Variants in APOL1 observed in about 807,000 individuals in gnomAD.
APOL1 encodes the protein apolipoprotein L1, also known as apolipoprotein L 1.
Under a neutral mutation model 14.9 loss-of-function variants are expected in APOL1, and 17 were observed. That is an observed-to-expected ratio of 1.14 (90% CI 0.78 to 1.71). APOL1 has a LOEUF of 1.71. Among genes scored for constraint, APOL1 ranks in the 40% most tolerant of loss-of-function variants. The pLI is 0.00. For missense variants in APOL1, 523 were observed against 485.9 expected, an observed-to-expected ratio of 1.08 and a Z score of -0.72; for synonymous variants, 195 against 184.8, an observed-to-expected ratio of 1.05 and a Z score of -0.45.
chr22:36,265,176 G>A lies in APOL1; in HGVS notation c.340G>A (p.Ala114Thr), dbSNP rs202184759. Reference sequence around the variant, plus strand: ...GAATGAGGCAGATGAGCTCCGTAAAGCTCTGGACAACCTTGCAAGACAAAT... The same window carrying A: ...GAATGAGGCAGATGAGCTCCGTAAAACTCTGGACAACCTTGCAAGACAAAT... ...PRNEADELRK[A>T]LDNLARQMIM... Residue 114 changes from alanine (A) to threonine (T), a missense_variant, in exon 6 of 6, where the codon GCT (alanine) becomes ACT (threonine). Transcript: ENST00000397278. 2.5e-6 allele frequency: 4 copies of A among 1,614,158 alleles called. No homozygotes were observed. Among genetic ancestry groups the A allele is most frequent in the Non-Finnish European group, 2.5e-6 (3 of 1,180,044 alleles).
chr22:36,256,973 A>G (rs1196437805), intron 2 of APOL1, 110 bp from the exon 3 acceptor site: 28 of 1,208,302 alleles, frequency 2.3e-5, no homozygotes, highest in African/African-American at 4.5e-5. Flanking sequence ...GGCCCTGGTC[A>G]TTGTCAGAAC....
rs151049347 is a variant in APOL1 at position 36,256,913 on chromosome 22, A to G, written c.45-170A>G. On this transcript the variant is annotated intron_variant, in intron 2 of 5. Transcript: ENST00000397278. ...ATGTAAGAGGCTCTGCACATCGCAG[A>G]CATGCAATACACACTGGCTATCACC... Among the ~76,000 whole-genome samples the G allele has an allele frequency of 9.8e-5, 15 of 152,330 alleles. No individual in the cohort carries two copies. The East Asian group carries it at 2.9e-3, about 29-fold the overall frequency.
chr22:36,257,109 G>A lies in APOL1; in HGVS notation c.71G>A (p.Gly24Glu). 1 of 1,614,188 alleles carries A rather than the reference G, an allele frequency of 6.2e-7. No individual in the cohort carries two copies. The highest frequency in any genetic ancestry group is 1.6e-4 in the Middle Eastern group (1 of 6,062). ...ATGAGTGCACTTTTCCTTGGTGTGG[G>A]AGTGAGGGCAGAGGAAGCTGGAGCG... ...IWMSALFLGV[G>E]VRAEEAGARV... is the part of the protein sequence containing the mutation. Residue 24 changes from glycine (G) to glutamate (E), a missense_variant, in exon 3 of 6, where the codon GGA becomes GAA. Transcript: ENST00000397278.
At position 36,266,816 on chromosome 22, in the gene APOL1, A is replaced by G. The variant is rs376694760; in HGVS notation, c.*783A>G. 1.0e-4 allele frequency: 30 copies of G among 292,330 alleles called. No individual in the cohort carries two copies. The highest frequency in any genetic ancestry group is 6.3e-4 in the African/African-American group (29 of 45,920). The allele number at this position is 292,330 out of a possible 1,614,324, so 18.1% of individuals were successfully genotyped here. On this transcript the variant is annotated 3_prime_UTR_variant, in exon 6 of 6. Transcript: ENST00000397278. Reference sequence around the variant, plus strand: ...GCTAACTGGGCGGCTGAGGCAGGAGAATGGCGTGAACCTGGGAGGTGGAGC... The same window carrying G: ...GCTAACTGGGCGGCTGAGGCAGGAGGATGGCGTGAACCTGGGAGGTGGAGC...
chr22:36,254,004 A>G, intron 1 of APOL1: 1 of 1,613,978 alleles, frequency 6.2e-7, no homozygotes, highest in African/African-American at 1.3e-5. Flanking sequence ...GAGTATAACT[A>G]CAGGAGTGAG....
At chr22:36,261,472 C>A in intron 4 of APOL1, 124 bp from the exon 5 acceptor site, 2 of 1,070,478 alleles carry the variant, frequency 1.9e-6, no homozygotes, top group Non-Finnish European at 2.7e-6. Flanking sequence ...GCACTAATGA[C>A]TCCATAAAAC....
chr22:36,256,959 C>T (rs773131538), intron 2 of APOL1, 124 bp from the exon 3 acceptor site: 6 of 1,016,756 alleles, frequency 5.9e-6, no homozygotes, highest in African/African-American at 1.6e-5. Context: ...CACACATGCT[C>T]CCAGGCCCTG....
chr22:36,260,927 G>T (rs537276645), intron 4 of APOL1, among the ~76,000 whole-genome samples: 2 of 152,300 alleles, frequency 1.3e-5, no homozygotes, highest in East Asian at 3.9e-4. Flanking sequence ...ATGATGTGTT[G>T]ATATTCACAT....
At chr22:36,255,425 A>G (rs1436492042) in intron 2 of APOL1, among the ~76,000 whole-genome samples, 1 of 152,268 alleles carries the variant, frequency 6.6e-6, no homozygotes, top group African/African-American at 2.4e-5. Flanking sequence ...TGAACAAAGC[A>G]GGAAGAAGGC....
rs550074929 is a variant in APOL1 at position 36,259,789 on chromosome 22, G to A, written c.188-1807G>A. The A allele has an allele frequency of 1.5e-5, 20 of 1,304,154 alleles. 1 individual carries two copies. The highest frequency in any genetic ancestry group is 5.5e-5 in the East Asian group (1 of 18,026). The allele number at this position is 1,304,154 out of a possible 1,614,324, so 80.8% of individuals were successfully genotyped here. On this transcript the variant is annotated intron_variant, in intron 4 of 5. Transcript: ENST00000397278. ...GCTGAGGGTCCCGCCCCCATGCCCC[G>A]TCGAAGAACCCCCTCCACTGCCCAT...
intron 5 of APOL1, among the ~76,000 whole-genome samples, chr22:36,262,345 G>T (rs1222824969): frequency 6.6e-6 from 1 of 152,320 alleles, no homozygotes; most frequent in East Asian, 1.9e-4. Flanking sequence ...TCTCTTTCCA[G>T]CTCTGTCTGT....
At position 36,265,686 on chromosome 22, in the gene APOL1, C is replaced by T. The variant is rs766934930; in HGVS notation, c.850C>T (p.Arg284Cys). 2.4e-5 allele frequency: 39 copies of T among 1,607,176 alleles called. No homozygotes were observed. In the Middle Eastern group the frequency reaches 8.3e-4, roughly 34 times the overall value. ...CACACGAGGCATTGGGAAGGACATC[C>T]GTGCCCTCAGACGAGCCAGAGCCAA... ...QLTRGIGKDI[R>C]ALRRARANLQ... The change falls in exon 6 of 6, where the codon CGT becomes TGT. Residue 284 changes from arginine to cysteine, a missense_variant. Transcript: ENST00000397278.
At chr22:36,260,913 C>A (rs1007577642) in intron 4 of APOL1, among the ~76,000 whole-genome samples, 1 of 152,148 alleles carries the variant, frequency 6.6e-6, no homozygotes, top group Non-Finnish European at 1.5e-5. Context: ...AATTTCATAA[C>A]CCAATGATGT....
At chr22:36,258,395 G>T (rs760806472) in intron 4 of APOL1, among the ~76,000 whole-genome samples, 1 of 152,210 alleles carries the variant, frequency 6.6e-6, no homozygotes, top group Non-Finnish European at 1.5e-5. Context: ...AGGTTTATCG[G>T]GTGAATATGA....
intron 5 of APOL1, among the ~76,000 whole-genome samples, chr22:36,263,130 G>A (rs1449864144): frequency 7.9e-5 from 12 of 152,238 alleles, no homozygotes. Flanking sequence ...ACCTGCGAGT[G>A]AGACCTGGAA....
chr22:36,266,620 G>T lies in APOL1; in HGVS notation c.*587G>T, dbSNP rs550530468. On this transcript the variant is annotated 3_prime_UTR_variant, in exon 6 of 6. Coordinates refer to ENST00000397278, the MANE Select transcript of APOL1 (RefSeq NM_003661.4). Reference sequence around the variant, plus strand: ...TTTACTTTAGACTAAAGAATATATTGGGGGGCCGGGTGTAGTGGCTCATGC... The same window carrying T: ...TTTACTTTAGACTAAAGAATATATTTGGGGGCCGGGTGTAGTGGCTCATGC... 6.4e-4 allele frequency: 256 copies of T among 397,998 alleles called. 1 individual carries two copies. Among genetic ancestry groups the T allele is most frequent in the Non-Finnish European group, 2.6e-4 (59 of 225,774 alleles). 24.7% of individuals were successfully genotyped at this position (397,998 alleles called of 1,614,324 possible).
chr22:36,260,057 G>A, intron 4 of APOL1: 1 of 738,116 alleles, frequency 1.4e-6, no homozygotes, highest in African/African-American at 1.9e-5. Context: ...ATGGTTTTGG[G>A]CGGTGACTCT....
At position 36,265,244 on chromosome 22, in the gene APOL1, C is replaced by A. The variant is rs372242460; in HGVS notation, c.408C>A (p.Tyr136Ter). ...DKNWHDKGQQ[Y>*]RNWFLKEFPR... Reference sequence around the variant, plus strand: ...ACTGGCACGATAAAGGCCAGCAGTACAGAAACTGGTTTCTGAAAGAGTTTC... The same window carrying A: ...ACTGGCACGATAAAGGCCAGCAGTAAAGAAACTGGTTTCTGAAAGAGTTTC... Residue 136 changes from tyrosine to a stop codon, truncating the protein, a stop_gained, in exon 6 of 6, where the codon TAC (tyrosine) becomes TAA (stop). Transcript: ENST00000397278. LOFTEE classifies it low-confidence loss of function (END_TRUNC). 1.2e-6 allele frequency: 2 copies of A among 1,614,058 alleles called. No individual in the cohort carries two copies. Among genetic ancestry groups the A allele is most frequent in the Non-Finnish European group, 1.7e-6 (2 of 1,180,048 alleles).
chr22:36,265,615 A>G lies in APOL1; in HGVS notation c.779A>G (p.Glu260Gly). The G allele has an allele frequency of 6.3e-7, 1 of 1,596,294 alleles. No homozygotes were observed. The change falls in exon 6 of 6, where the codon GAG (glutamate) becomes GGG (glycine). Residue 260 changes from glutamate to glycine, a missense_variant. Coordinates refer to ENST00000397278, the MANE Select transcript of APOL1 (RefSeq NM_003661.4). ...AAGGAGGTGAGGGAGTTTTTGGGTG[A>G]GAACATATCCAACTTTCTTTCCTTA... is the stretch of plus-strand genomic sequence containing the variant. ...KLKEVREFLG[E>G]NISNFLSLAG...
Sources: allele counts gnomAD v4.1 joint callset (sites outside exome capture counted in the v4.1 genomes callset), GRCh38; gene constraint gnomAD v4.1.1; transcripts MANE v1.5; gene names NCBI Gene and HGNC (gene_info 2026-07-23, HGNC 2026-07-21).